Variants in CDH18 observed in about 807,000 individuals in gnomAD.
CDH18 encodes the protein cadherin-18.
Under a neutral mutation model 67.9 loss-of-function variants are expected in CDH18, and 31 were observed. The observed-to-expected ratio is 0.46, with a 90% CI of 0.34 to 0.62. The LOEUF (loss-of-function observed/expected upper bound fraction) is 0.62. Ranked by LOEUF, CDH18 falls within the 20% of genes least tolerant of loss-of-function variation. The pLI, the probability that CDH18 is intolerant of heterozygous loss-of-function variation, is 0.01. For synonymous variants in CDH18, 362 were observed against 347.2 expected, an observed-to-expected ratio of 1.04 and a Z score of -0.48; for missense variants, 890 against 975.5, an observed-to-expected ratio of 0.91 and a Z score of 1.17.
chr5:19,612,949 A>G (rs1337303768), intron 5 of CDH18, among the ~76,000 whole-genome samples: 2 of 151,808 alleles, frequency 1.3e-5, no homozygotes, highest in African/African-American at 4.8e-5. Context: ...GACCAGCTTG[A>G]CCAGTATGGT....
At chr5:19,558,952 C>CCT (rs1157374557) in intron 8 of CDH18, among the ~76,000 whole-genome samples, 4 of 151,794 alleles carry the variant, frequency 2.6e-5, no homozygotes, top group Non-Finnish European at 5.9e-5. Flanking sequence ...GTATCCATCT[C>CCT]CTCTTGGTTT....
intron 2 of CDH18, among the ~76,000 whole-genome samples, chr5:20,100,428 C>A (rs1746355421): frequency 6.6e-6 from 1 of 152,074 alleles, no homozygotes; most frequent in Admixed American, 6.6e-5. Context: ...GAAGTGATAA[C>A]TAAAACTGCA....
chr5:19,807,842 A>C (rs1423230352), intron 3 of CDH18, among the ~76,000 whole-genome samples: 1 of 152,036 alleles, frequency 6.6e-6, no homozygotes, highest in African/African-American at 2.4e-5. Flanking sequence ...AATTCTCATC[A>C]TTGTTTATAC....
intron 2 of CDH18, among the ~76,000 whole-genome samples, chr5:20,002,877 G>A (rs1482025782): frequency 6.6e-6 from 1 of 151,412 alleles, no homozygotes; most frequent in East Asian, 1.9e-4. Context: ...TAGAGATAAA[G>A]AGGATTGGTT....
intron 2 of CDH18, among the ~76,000 whole-genome samples, chr5:20,217,710 T>C (rs1302154927): frequency 6.6e-6 from 1 of 151,632 alleles, no homozygotes; most frequent in Non-Finnish European, 1.5e-5. Flanking sequence ...GACTAAACTC[T>C]CCAAGCAAAA....
At position 20,318,515 on chromosome 5, in the gene CDH18, T is replaced by C. The variant is rs889681318; in HGVS notation, c.-579-63010A>G. On this transcript the variant is annotated intron_variant, in intron 1 of 14. Coordinates refer to the CDH18 transcript ENST00000507958. ...GGCTCTCATGAATGGTTTAGTACCA[T>C]GCCCTGTTGGTACTGTATAGTGAGC... Among the ~76,000 whole-genome samples, 8 of 152,134 alleles carry C rather than the reference T, an allele frequency of 5.3e-5. No homozygotes were observed. In the East Asian group the frequency reaches 1.5e-3, roughly 29 times the overall value.
At chr5:19,874,143 T>C (rs1309501537) in intron 2 of CDH18, among the ~76,000 whole-genome samples, 1 of 151,788 alleles carries the variant, frequency 6.6e-6, no homozygotes, top group Non-Finnish European at 1.5e-5. Context: ...AGATTTTACC[T>C]AAATGTACAA....
At chr5:19,725,366 T>C (rs903962144) in intron 4 of CDH18, among the ~76,000 whole-genome samples, 1 of 152,192 alleles carries the variant, frequency 6.6e-6, no homozygotes, top group African/African-American at 2.4e-5. Context: ...GGTACCTCAC[T>C]GAAAAAACTA....
chr5:20,269,670 T>C (rs1745293294), intron 1 of CDH18, among the ~76,000 whole-genome samples: 1 of 152,018 alleles, frequency 6.6e-6, no homozygotes, highest in Non-Finnish European at 1.5e-5. Flanking sequence ...GTAAACAGTG[T>C]ATTCATATGT....
chr5:19,817,972 T>A (rs1779470787), intron 3 of CDH18, among the ~76,000 whole-genome samples: 1 of 152,118 alleles, frequency 6.6e-6, no homozygotes, highest in African/African-American at 2.4e-5. Flanking sequence ...AATATAAATT[T>A]TATATAAATT....
intron 2 of CDH18, among the ~76,000 whole-genome samples, chr5:19,959,408 G>C (rs1170454516): frequency 6.6e-6 from 1 of 151,958 alleles, no homozygotes; most frequent in East Asian, 1.9e-4. Flanking sequence ...TATTAAAATA[G>C]TTTTCAAATA....
At chr5:19,621,749 A>T (rs1328246265) in intron 5 of CDH18, among the ~76,000 whole-genome samples, 1 of 152,216 alleles carries the variant, frequency 6.6e-6, no homozygotes, top group Non-Finnish European at 1.5e-5. Context: ...TAAAGGCTGT[A>T]CAACACTGTG....
At chr5:20,461,200 C>T (rs182082385) in intron 1 of CDH18, among the ~76,000 whole-genome samples, 2 of 152,266 alleles carry the variant, frequency 1.3e-5, no homozygotes, top group East Asian at 1.9e-4. Context: ...AGAGCATGAG[C>T]GTCCTGCTTG....
Position 19,473,374 on chromosome 5 carries a change from C to T in CDH18, c.2225G>A (p.Gly742Asp), listed in dbSNP as rs370841061. The stretch of plus-strand genomic sequence containing the variant: ...GATAGACCCAGCTTCTGATCTCTGA[C>T]CCTCATAGGCATAAGTCTGAAGAGA... ...YDSLQTYAYEGQRSEAGSISS... is the reference protein window; with the variant it reads ...YDSLQTYAYEDQRSEAGSISS... The change falls in exon 13 of 13, where the codon GGT (glycine) becomes GAT (aspartate). Residue 742 changes from glycine to aspartate, a missense_variant. Transcript: ENST00000382275. 6.2e-7 allele frequency: 1 copy of T among 1,613,752 alleles called. No individual in the cohort carries two copies. Among genetic ancestry groups the T allele is most frequent in the East Asian group, 2.2e-5 (1 of 44,878 alleles).
intron 2 of CDH18, among the ~76,000 whole-genome samples, chr5:19,918,870 C>T (rs1371623064): frequency 1.3e-5 from 2 of 151,340 alleles, no homozygotes; most frequent in Non-Finnish European, 2.9e-5. Flanking sequence ...TATAAGAAAC[C>T]TCTTTCATGC....
At chr5:20,259,240 T>C (rs1744467556) in intron 1 of CDH18, among the ~76,000 whole-genome samples, 1 of 152,114 alleles carries the variant, frequency 6.6e-6, no homozygotes, top group Admixed American at 6.6e-5. Context: ...AAGTGAGGAA[T>C]GTTACTGAAA....
chr5:20,194,548 G>A (rs111791028), intron 2 of CDH18, among the ~76,000 whole-genome samples: 3,510 of 152,142 alleles, frequency 0.023, 124 homozygotes, highest in African/African-American at 0.079. Flanking sequence ...ATGAATGTTC[G>A]TGGGTTGAGG....
At chr5:20,269,022 G>A (rs887617163) in intron 1 of CDH18, among the ~76,000 whole-genome samples, 5 of 152,044 alleles carry the variant, frequency 3.3e-5, no homozygotes, top group Non-Finnish European at 1.5e-5. Flanking sequence ...ACAAATGACT[G>A]AACACCAACA....
chr5:19,791,879 C>G (rs1350929360), intron 3 of CDH18, among the ~76,000 whole-genome samples: 1 of 152,174 alleles, frequency 6.6e-6, no homozygotes, highest in South Asian at 2.1e-4. Context: ...TTCAGTAAGA[C>G]ATTTTTCCAC....
Sources: gnomAD v4.1 joint callset for allele counts (sites outside exome capture counted in the v4.1 genomes callset) on GRCh38, gnomAD v4.1.1 for gene constraint, MANE v1.5 for transcripts, NCBI Gene and HGNC (gene_info 2026-07-23, HGNC 2026-07-21) for gene names.